Variants in USH2A observed in about 807,000 individuals in gnomAD.
USH2A encodes usherin.
In USH2A, 443 loss-of-function variants were observed where a neutral mutation model predicts 538.9. The observed-to-expected ratio is 0.82, with a 90% CI of 0.76 to 0.89. USH2A has a LOEUF of 0.89. Among genes scored for constraint, USH2A ranks in the 40% least tolerant of loss-of-function variants. USH2A has a pLI of 0.00. For missense variants in USH2A, 6,633 were observed against 6,324.8 expected (o/e 1.05, Z -1.65); for synonymous variants, 2,413 against 2,273.5 (o/e 1.06, Z -1.75).
rs1325844759 is a variant in USH2A, at chr1:215,931,773, A to C, written c.7300+2843T>G. 2.0e-5 allele frequency among the ~76,000 whole-genome samples: 3 copies of C among 152,034 alleles called. No homozygotes were observed. The South Asian group carries it at 6.2e-4, about 31-fold the overall frequency. ...TCTAGGTGCTGAAGATAGAAATGTG[A>C]GTAAGAAACAGTTCCTACTCTATAG... On this transcript the variant is annotated intron_variant, in intron 38 of 71. Transcript: ENST00000307340.
At position 215,878,877 on chromosome 1, in the gene USH2A, G is replaced by T. The variant is rs373677094; in HGVS notation, c.8445C>A (p.Thr2815=). ...CATTCTGAGGTACGGTGGGGTGAGT[G>T]GTAACATAGGTAGGTAAACTCTCTG... The part of the protein sequence containing the change: ...GCTESLPTYV[T]THPTVPQNVG... The change falls in exon 42 of 72, where the codon ACC becomes ACA. Residue 2815 remains threonine, a synonymous_variant. Transcript: ENST00000307340. 1.9e-6 allele frequency: 3 copies of T among 1,613,866 alleles called. No individual in the cohort carries two copies. The African/African-American group carries it at 4.0e-5, about 22-fold the overall frequency.
chr1:216,009,183 A>G (rs1002626107), intron 32 of USH2A, among the ~76,000 whole-genome samples: 17 of 151,826 alleles, frequency 1.1e-4, no homozygotes, highest in African/African-American at 3.9e-4. Flanking sequence ...ACTTTTCTGG[A>G]GGGTAAGAAC....
chr1:216,100,746 C>T (rs2032556989), intron 21 of USH2A, among the ~76,000 whole-genome samples: 1 of 152,040 alleles, frequency 6.6e-6, no homozygotes, highest in Non-Finnish European at 1.5e-5. Flanking sequence ...CAAGAGAAAT[C>T]TGATGAATGA....
Position 216,327,672 on chromosome 1 carries a change from T to C in USH2A, c.785-18A>G, listed in dbSNP as rs773340954. The C allele has an allele frequency of 6.2e-7, 1 of 1,612,768 alleles. No homozygotes were observed. The highest frequency in any genetic ancestry group is 8.5e-7 in the Non-Finnish European group (1 of 1,179,254). ...CTCTAAACCTGCAAATACACACATG[T>C]GCATAATATAAGAAGTCTCTGTTTA... is the stretch of plus-strand genomic sequence containing the variant. On this transcript the variant is annotated intron_variant, in intron 4 of 71. Transcript: ENST00000307340.
chr1:215,680,745 T>C (rs1658201273), intron 61 of USH2A, among the ~76,000 whole-genome samples: 1 of 152,046 alleles, frequency 6.6e-6, no homozygotes, highest in Non-Finnish European at 1.5e-5. Flanking sequence ...CCAAGCTGCA[T>C]GTCTGAGACT....
chr1:216,381,709 A>AC (rs2038925350), intron 3 of USH2A, among the ~76,000 whole-genome samples: 1 of 152,294 alleles, frequency 6.6e-6, no homozygotes, highest in East Asian at 1.9e-4. Context: ...AATTTACTTC[A>AC]TAAATTTCTT....
At chr1:216,370,880 C>T (rs2038700914) in intron 3 of USH2A, among the ~76,000 whole-genome samples, 1 of 152,046 alleles carries the variant, frequency 6.6e-6, no homozygotes, top group Non-Finnish European at 1.5e-5. Flanking sequence ...GTGTCACCAC[C>T]TCCCACAATA....
intron 4 of USH2A, among the ~76,000 whole-genome samples, chr1:216,345,434 G>T (rs1452585481): frequency 6.6e-6 from 1 of 152,082 alleles, no homozygotes; most frequent in African/African-American, 2.4e-5. Flanking sequence ...GCGTCAAGCT[G>T]GGTCACTAGG....
Position 216,199,915 on chromosome 1 carries a change from G to T in USH2A, c.3523C>A (p.Gln1175Lys). The change falls in exon 17 of 72, where the codon CAA (glutamine) becomes AAA (lysine). Residue 1175 changes from glutamine to lysine, a missense_variant. Coordinates refer to ENST00000307340, the MANE Select transcript of USH2A (RefSeq NM_206933.4). ...ATATATTTCTCTATGGGACCAGATT[G>T]ATTTGAGAGTGTTGTCCAGGTAAGT... The part of the protein sequence containing the change: ...VTLTWTTLSN[Q>K]SGPIEKYILS... 1 of 1,614,146 alleles carries T rather than the reference G, an allele frequency of 6.2e-7. No individual in the cohort carries two copies. Among genetic ancestry groups the T allele is most frequent in the African/African-American group, 1.3e-5 (1 of 75,052 alleles).
intron 33 of USH2A, 142 bp downstream of exon 33, chr1:216,000,261 G>A: frequency 1.7e-6 from 2 of 1,181,938 alleles, no homozygotes; most frequent in Non-Finnish European, 2.4e-6. Flanking sequence ...GATAATCAAA[G>A]GTTCCCAGAT....
rs768233894 is a variant in USH2A, at chr1:215,900,220, G to A, written c.7452-3C>T. On this transcript the variant is annotated splice_polypyrimidine_tract_variant and splice_region_variant and intron_variant, in intron 39 of 71. Transcript: ENST00000307340. ...ATGCAGAAGGATTGGAAAATAACCTGTATGGGAAATAAATGTCAATTAGGA... is the reference window on the plus strand; with the variant it reads ...ATGCAGAAGGATTGGAAAATAACCTATATGGGAAATAAATGTCAATTAGGA... 1.9e-6 allele frequency: 3 copies of A among 1,613,172 alleles called. No individual in the cohort carries two copies. In the Admixed American group the frequency reaches 5.0e-5, roughly 27 times the overall value.
At chr1:216,207,569 T>C in intron 15 of USH2A, 138 bp from the exon 16 acceptor site, 2 of 1,116,164 alleles carry the variant, frequency 1.8e-6, no homozygotes, top group East Asian at 5.1e-5. Flanking sequence ...ACCAAGACAT[T>C]AATAAACAAA....
chr1:215,868,234 T>C (rs1018532273), intron 43 of USH2A, among the ~76,000 whole-genome samples: 1 of 152,168 alleles, frequency 6.6e-6, no homozygotes, highest in Admixed American at 6.5e-5. Context: ...TAGGTGCCAT[T>C]TGCAGGATTG....
intron 3 of USH2A, among the ~76,000 whole-genome samples, chr1:216,388,879 C>G (rs2039052319): frequency 6.6e-6 from 1 of 152,144 alleles, no homozygotes; most frequent in Admixed American, 6.5e-5. Flanking sequence ...CCTTGCCTCT[C>G]AATAGGTGTT....
At chr1:216,001,226 AATGGT>A (rs1668259231) in intron 32 of USH2A, among the ~76,000 whole-genome samples, 1 of 152,180 alleles carries the variant, frequency 6.6e-6, no homozygotes, top group South Asian at 2.1e-4. Context: ...TAAGAGCAGG[AATGGT>A]AATATATTCA....
chr1:215,890,295 G>A (rs543251243), intron 40 of USH2A, among the ~76,000 whole-genome samples: 9 of 152,240 alleles, frequency 5.9e-5, no homozygotes, highest in South Asian at 2.1e-4. Context: ...TTAAAACAGC[G>A]TTGATCTTGT....
chr1:216,391,597 C>T (rs999503093), intron 3 of USH2A, among the ~76,000 whole-genome samples: 2 of 151,928 alleles, frequency 1.3e-5, no homozygotes, highest in Admixed American at 6.6e-5. Context: ...TGAGACTTGC[C>T]CCTAGTACAT....
At chr1:216,033,456 G>A (rs960441685) in intron 32 of USH2A, among the ~76,000 whole-genome samples, 2 of 152,164 alleles carry the variant, frequency 1.3e-5, no homozygotes, top group African/African-American at 4.8e-5. Context: ...TCTGCATGTA[G>A]GAAAAGGCAT....
chr1:216,112,532 G>T, intron 21 of USH2A, among the ~76,000 whole-genome samples: 1 of 152,164 alleles, frequency 6.6e-6, no homozygotes, highest in South Asian at 2.1e-4. Context: ...TGTCACGGGG[G>T]TTCAATGAAC....
Sources: gnomAD v4.1 joint callset for allele counts (sites outside exome capture counted in the v4.1 genomes callset) on GRCh38, gnomAD v4.1.1 for gene constraint, MANE v1.5 for transcripts, NCBI Gene and HGNC (gene_info 2026-07-23, HGNC 2026-07-21) for gene names.